Variants in MACROD2 observed in about 807,000 individuals in gnomAD.
MACROD2 encodes ADP-ribose glycohydrolase MACROD2.
A neutral mutation model predicts 70.4 loss-of-function variants in MACROD2; 36 were observed. That is an observed-to-expected ratio of 0.51 (90% CI 0.39 to 0.68). The LOEUF is 0.68. MACROD2 is among the 30% of genes least tolerant of loss of function. MACROD2 has a pLI of 0.00. For synonymous variants in MACROD2, 172 were observed against 178.8 expected (o/e 0.96, Z 0.30); for missense variants, 496 against 538.4 (o/e 0.92, Z 0.78).
chr20:14,364,808 AACAAT>A (rs2083256980), intron 3 of MACROD2, among the ~76,000 whole-genome samples: 1 of 152,192 alleles, frequency 6.6e-6, no homozygotes, highest in Non-Finnish European at 1.5e-5. Flanking sequence ...TTTGTGGCTG[AACAAT>A]ATTCTCTTGT....
chr20:14,204,090 G>A (rs1306859019), intron 3 of MACROD2, among the ~76,000 whole-genome samples: 2 of 152,184 alleles, frequency 1.3e-5, no homozygotes, highest in East Asian at 1.9e-4. Context: ...TGTACAGTTG[G>A]ACTAGTCCCC....
chr20:15,755,924 T>A (rs1243212654), intron 8 of MACROD2, among the ~76,000 whole-genome samples: 2 of 152,026 alleles, frequency 1.3e-5, no homozygotes, highest in Non-Finnish European at 2.9e-5. Context: ...CAGGAAAAAA[T>A]AAATCCCCAA....
At chr20:14,771,027 T>C (rs952909980) in intron 5 of MACROD2, among the ~76,000 whole-genome samples, 3 of 152,112 alleles carry the variant, frequency 2.0e-5, no homozygotes, top group Non-Finnish European at 4.4e-5. Context: ...AGATTAGCAT[T>C]GGAATCAGCA....
intron 8 of MACROD2, among the ~76,000 whole-genome samples, chr20:15,598,013 A>C (rs550253401): frequency 8.7e-6 from 1 of 114,558 alleles, no homozygotes; most frequent in Admixed American, 9.8e-5. Flanking sequence ...TGGGAGGCAG[A>C]GGTTGCAGTG....
At chr20:14,009,550 G>A (rs1285361739) in intron 2 of MACROD2, among the ~76,000 whole-genome samples, 1 of 152,182 alleles carries the variant, frequency 6.6e-6, no homozygotes, top group Non-Finnish European at 1.5e-5. Context: ...GTGGAAGACA[G>A]TATGACAATG....
At chr20:15,709,620 T>C (rs1419838096) in intron 8 of MACROD2, among the ~76,000 whole-genome samples, 1 of 152,068 alleles carries the variant, frequency 6.6e-6, no homozygotes, top group East Asian at 1.9e-4. Context: ...TGAGCTATAA[T>C]TGCACCACTG....
intron 15 of MACROD2, among the ~76,000 whole-genome samples, chr20:16,024,832 A>G (rs570448235): frequency 6.6e-6 from 1 of 152,362 alleles, no homozygotes; most frequent in South Asian, 2.1e-4. Context: ...TTTTACGAGC[A>G]AAAATGTCTA....
intron 8 of MACROD2, among the ~76,000 whole-genome samples, chr20:15,668,914 A>C (rs2049939544): frequency 6.6e-6 from 1 of 152,134 alleles, no homozygotes; most frequent in Non-Finnish European, 1.5e-5. Context: ...AATAACTTTC[A>C]TTTTTTAATA....
chr20:15,418,739 A>C (rs1226411185), intron 6 of MACROD2, among the ~76,000 whole-genome samples: 1 of 152,192 alleles, frequency 6.6e-6, no homozygotes, highest in African/African-American at 2.4e-5. Flanking sequence ...ACAGAATCCC[A>C]AGGAACACTG....
intron 8 of MACROD2, among the ~76,000 whole-genome samples, chr20:15,837,113 TGGACAG>T (rs2064122641): frequency 6.6e-6 from 1 of 152,054 alleles, no homozygotes; most frequent in Non-Finnish European, 1.5e-5. Context: ...TAGGTTTTGA[TGGACAG>T]GGCTGTACCA....
intron 3 of MACROD2, among the ~76,000 whole-genome samples, chr20:14,221,192 C>T (rs1299935093): frequency 6.6e-6 from 1 of 152,144 alleles, no homozygotes; most frequent in Admixed American, 6.5e-5. Context: ...GAGAATAAAA[C>T]CTGTTTTGTT....
At chr20:14,732,749 C>T (rs1418403207) in intron 5 of MACROD2, among the ~76,000 whole-genome samples, 2 of 152,160 alleles carry the variant, frequency 1.3e-5, no homozygotes, top group African/African-American at 4.8e-5. Flanking sequence ...TCACATTCTT[C>T]TGCCTTCTGG....
rs1440682266 is a variant in MACROD2, at chr20:15,021,248, A to G, written c.419-208692A>G. 3.6e-3 allele frequency among the ~76,000 whole-genome samples: 194 copies of G among 53,272 alleles called. 7 individuals carry two copies. The highest frequency in any genetic ancestry group is 0.034 in the Middle Eastern group (2 of 58). 34.9% of individuals were successfully genotyped at this position (53,272 alleles called of 152,430 possible). On this transcript the variant is annotated intron_variant, in intron 5 of 17. Coordinates refer to ENST00000684519, the MANE Select transcript of MACROD2 (RefSeq NM_001351661.2). Reference sequence around the variant, plus strand: ...TGTGCGTATACACACACCTGTGTGTATGTATACACACACCTGTGTGTGTGT... The same window carrying G: ...TGTGCGTATACACACACCTGTGTGTGTGTATACACACACCTGTGTGTGTGT...
intron 8 of MACROD2, among the ~76,000 whole-genome samples, chr20:15,728,197 TC>T (rs1204283356): frequency 6.7e-6 from 1 of 149,628 alleles, no homozygotes; most frequent in Non-Finnish European, 1.5e-5. Flanking sequence ...ATGTAATGAA[TC>T]ATATATATTG....
chr20:14,544,256 G>A (rs914884661), intron 4 of MACROD2, among the ~76,000 whole-genome samples: 9 of 150,146 alleles, frequency 6.0e-5, no homozygotes, highest in African/African-American at 2.2e-4. Flanking sequence ...AGAAAATAGG[G>A]TAGGGCTCAG....
At chr20:15,914,732 A>C (rs2065287827) in intron 10 of MACROD2, among the ~76,000 whole-genome samples, 2 of 152,174 alleles carry the variant, frequency 1.3e-5, no homozygotes, top group Non-Finnish European at 2.9e-5. Flanking sequence ...AGTGAGCATC[A>C]GGTGGCACAG....
intron 3 of MACROD2, among the ~76,000 whole-genome samples, chr20:14,389,658 T>TA (rs2122798437): frequency 6.6e-6 from 1 of 152,336 alleles, no homozygotes; most frequent in East Asian, 1.9e-4. Flanking sequence ...ACACTACAGT[T>TA]AATACTGCAT....
chr20:14,045,202 G>A (rs890750196), intron 2 of MACROD2, among the ~76,000 whole-genome samples: 5 of 152,220 alleles, frequency 3.3e-5, no homozygotes, highest in African/African-American at 4.8e-5. Flanking sequence ...AGCCGGCTCC[G>A]GCCTTGGCCA....
chr20:14,678,739 C>G (rs2070892949), intron 4 of MACROD2, among the ~76,000 whole-genome samples: 2 of 151,986 alleles, frequency 1.3e-5, no homozygotes, highest in East Asian at 3.9e-4. Flanking sequence ...TTATTCTGAC[C>G]CTTTGTGAAG....
Sources: gnomAD v4.1 joint callset for allele counts (sites outside exome capture counted in the v4.1 genomes callset) on GRCh38, gnomAD v4.1.1 for gene constraint, MANE v1.5 for transcripts, NCBI Gene and HGNC (gene_info 2026-07-23, HGNC 2026-07-21) for gene names.